Variants in BCAS3 observed in about 807,000 individuals in gnomAD.
The protein encoded by BCAS3 is BCAS3 microtubule associated cell migration factor.
In BCAS3, 53 loss-of-function variants were observed where a neutral mutation model predicts 116.1. That is an observed-to-expected ratio of 0.46 (90% CI 0.37 to 0.57). BCAS3 has a LOEUF of 0.57. BCAS3 is among the 20% of genes least tolerant of loss of function. The pLI is 0.00. For synonymous variants in BCAS3, 391 were observed against 408.2 expected (o/e 0.96, Z 0.51); for missense variants, 917 against 1,165.4 (o/e 0.79, Z 3.10).
chr17:60,799,735 T>A (rs28785324), intron 6 of BCAS3, among the ~76,000 whole-genome samples: 128 of 100,534 alleles, frequency 1.3e-3, no homozygotes, highest in African/African-American at 4.0e-3. Flanking sequence ...TTTTTTTTTT[T>A]AGTAGAACTG....
rs1300480533 is a variant in BCAS3, at chr17:61,279,343, A to G, written c.2426-88984A>G. Among the ~76,000 whole-genome samples, 2 of 152,154 alleles carry G rather than the reference A, an allele frequency of 1.3e-5. No homozygotes were observed. The highest frequency in any genetic ancestry group is 2.9e-5 in the Non-Finnish European group (2 of 68,020). ...AGGCAGCCTAGGTCTGACACACCTA[A>G]TAGAACAGAAGCTCTCGCTTCTTTC... On this transcript the variant is annotated intron_variant, in intron 22 of 23. Coordinates refer to ENST00000407086, the MANE Select transcript of BCAS3 (RefSeq NM_017679.5). The surrounding 1 kb of genome is among the most constrained non-coding windows in gnomAD (Gnocchi z 4.4).
rs913835021 is a variant in BCAS3 at position 61,186,830 on chromosome 17, C to T, written c.2425+102266C>T. Among the ~76,000 whole-genome samples the T allele has an allele frequency of 1.3e-5, 2 of 152,058 alleles. No homozygotes were observed. The highest frequency in any genetic ancestry group is 1.9e-4 in the East Asian group (1 of 5,180). On this transcript the variant is annotated intron_variant, in intron 22 of 23. Transcript: ENST00000407086. This position sits in a 1 kb window ranked among gnomAD's most constrained non-coding sequence, Gnocchi z 4.9. ...GGTTCACGCCATTCTCTTGCCTCAG[C>T]CTCCCAAGTAGCTGGGAGTACAGGC... is the stretch of plus-strand genomic sequence containing the variant.
intron 22 of BCAS3, among the ~76,000 whole-genome samples, chr17:61,169,402 G>A (rs1359106754): frequency 6.6e-6 from 1 of 152,160 alleles, no homozygotes; most frequent in Non-Finnish European, 1.5e-5. Flanking sequence ...TAACCTAGCT[G>A]TGCAATGAGA....
intron 5 of BCAS3, chr17:60,727,046 T>C (rs1411783077): frequency 1.2e-5 from 3 of 256,680 alleles, no homozygotes; most frequent in Non-Finnish European, 2.2e-5. Flanking sequence ...AAAAACAGAC[T>C]TTAAAAAAAA....
intron 22 of BCAS3, among the ~76,000 whole-genome samples, chr17:61,166,579 G>T (rs891081495): frequency 6.6e-6 from 1 of 151,770 alleles, no homozygotes; most frequent in African/African-American, 2.4e-5. Flanking sequence ...TGTGTTTTTA[G>T]TGGACACGGG....
chr17:60,830,542 G>A (rs1299437334), intron 7 of BCAS3, among the ~76,000 whole-genome samples: 1 of 152,102 alleles, frequency 6.6e-6, no homozygotes, highest in East Asian at 1.9e-4. Flanking sequence ...CCTCAGGTGT[G>A]TTTTGTTCAG....
rs2056400929 is a variant in BCAS3 at position 61,332,817 on chromosome 17, T to C, written c.2426-35510T>C. ...TTTTAGGAGAGACGGGGTTTCACCATGTTAGCCAGGCTGGTCTCAAACTCC... is the reference window on the plus strand; with the variant it reads ...TTTTAGGAGAGACGGGGTTTCACCACGTTAGCCAGGCTGGTCTCAAACTCC... On this transcript the variant is annotated intron_variant, in intron 22 of 23. Transcript: ENST00000407086. The surrounding 1 kb of genome is among the most constrained non-coding windows in gnomAD (Gnocchi z 5.4). Among the ~76,000 whole-genome samples, 1 of 152,134 alleles carries C rather than the reference T, an allele frequency of 6.6e-6. No individual in the cohort carries two copies. The highest frequency in any genetic ancestry group is 1.5e-5 in the Non-Finnish European group (1 of 68,028).
intron 5 of BCAS3, among the ~76,000 whole-genome samples, chr17:60,718,238 T>G (rs1032124372): frequency 6.6e-6 from 1 of 152,106 alleles, no homozygotes; most frequent in Non-Finnish European, 1.5e-5. Flanking sequence ...AATATACCCT[T>G]AAAATTTTAC....
At chr17:60,737,000 C>T (rs115046909) in intron 5 of BCAS3, among the ~76,000 whole-genome samples, 4,756 of 150,874 alleles carry the variant, frequency 0.032, 240 homozygotes, top group African/African-American at 0.1. Context: ...AGTGCAATGG[C>T]GCGATCTTGT....
At chr17:60,750,817 C>T (rs571028591) in intron 6 of BCAS3, among the ~76,000 whole-genome samples, 30 of 152,320 alleles carry the variant, frequency 2.0e-4, no homozygotes, top group African/African-American at 7.0e-4. Flanking sequence ...GTTATTTCCT[C>T]TTCTAGAATA....
chr17:60,928,888 A>G (rs1599750849), intron 13 of BCAS3, among the ~76,000 whole-genome samples: 1 of 152,246 alleles, frequency 6.6e-6, no homozygotes, highest in East Asian at 1.9e-4. Context: ...AACCCTTCTG[A>G]TTGGTGTACA....
intron 7 of BCAS3, among the ~76,000 whole-genome samples, chr17:60,830,593 GT>G (rs2050828590): frequency 6.6e-6 from 1 of 152,026 alleles, no homozygotes; most frequent in East Asian, 1.9e-4. Flanking sequence ...ATTTCTTTGT[GT>G]AAAGCTGTTG....
Position 61,178,097 on chromosome 17 carries a change from T to A in BCAS3, c.2425+93533T>A, listed in dbSNP as rs561158088. ...ATACAGACTTTAATCCCAATCTCTT[T>A]CTTTATTTTAAATTAAAATTCACAG... On this transcript the variant is annotated intron_variant, in intron 22 of 23. Transcript: ENST00000407086. 5.9e-5 allele frequency among the ~76,000 whole-genome samples: 9 copies of A among 152,318 alleles called. No individual in the cohort carries two copies. The South Asian group carries it at 1.9e-3, about 32-fold the overall frequency.
chr17:61,153,795 G>A (rs796211401), intron 22 of BCAS3, among the ~76,000 whole-genome samples: 6 of 152,204 alleles, frequency 3.9e-5, no homozygotes, highest in African/African-American at 1.4e-4. Flanking sequence ...GAACTCAACA[G>A]CAGTCATATT....
chr17:61,163,099 C>T (rs903989030), intron 22 of BCAS3, among the ~76,000 whole-genome samples: 3 of 152,080 alleles, frequency 2.0e-5, no homozygotes, highest in Admixed American at 6.5e-5. Context: ...TGAGTAAAAC[C>T]CTGCGGCACA....
At chr17:60,978,559 A>G (rs1043371120) in intron 14 of BCAS3, among the ~76,000 whole-genome samples, 13 of 150,900 alleles carry the variant, frequency 8.6e-5, no homozygotes, top group East Asian at 3.9e-4. Context: ...TTGGTGTTTT[A>G]GACATGAAGT....
intron 9 of BCAS3, 96 bp from the exon 10 acceptor site, chr17:60,889,599 G>C (rs2056996000): frequency 1.0e-6 from 1 of 972,312 alleles, no homozygotes; most frequent in East Asian, 2.4e-5. Context: ...AAAAATATAA[G>C]CATTTGATTT....
chr17:60,834,123 G>C (rs1176547096), intron 7 of BCAS3, among the ~76,000 whole-genome samples: 1 of 152,010 alleles, frequency 6.6e-6, no homozygotes, highest in Non-Finnish European at 1.5e-5. Flanking sequence ...TATGTAAAAT[G>C]AATGTAAATA....
intron 22 of BCAS3, among the ~76,000 whole-genome samples, chr17:61,268,136 C>T (rs1045630520): frequency 3.3e-5 from 5 of 152,196 alleles, no homozygotes; most frequent in African/African-American, 1.2e-4. Flanking sequence ...CTTCTTCCAC[C>T]TTTGTCTGTT....
Sources: allele counts gnomAD v4.1 joint callset (sites outside exome capture counted in the v4.1 genomes callset), GRCh38; gene constraint gnomAD v4.1.1; non-coding constraint Gnocchi (gnomAD v3.1); transcripts MANE v1.5; gene names NCBI Gene and HGNC (gene_info 2026-07-23, HGNC 2026-07-21).